Variants in CD300LG observed in about 807,000 individuals in gnomAD.
CD300LG encodes the protein CMRF35-like molecule 9.
Under a neutral mutation model 31.5 loss-of-function variants are expected in CD300LG, and 29 were observed. The observed-to-expected ratio is 0.92, with a 90% CI of 0.68 to 1.25. CD300LG has a LOEUF of 1.25. Ranked by LOEUF, CD300LG falls within the 50% of genes most tolerant of loss-of-function variation. The pLI is 0.00. For missense variants in CD300LG, 396 were observed against 417.6 expected (o/e 0.95, Z 0.45); for synonymous variants, 175 against 177.2 (o/e 0.99, Z 0.10).
At chr17:43,854,634 G>A (rs555990952) in intron 4 of CD300LG, among the ~76,000 whole-genome samples, 4 of 152,232 alleles carry the variant, frequency 2.6e-5, no homozygotes, top group Admixed American at 6.5e-5. Context: ...TTGACTCACA[G>A]TAAGAATGCC....
In CD300LG at chr17:43,847,277, T is replaced by C. The variant is rs556080290; in HGVS notation, c.43+18T>C. ...GCTCCCAGGTGAGATGGGGAGAGGG[T>C]CTCGGGAGGGATGTGGGGCTCACCC... On this transcript the variant is annotated intron_variant, in intron 1 of 6. Transcript: ENST00000317310. 1 of 1,613,018 alleles carries C rather than the reference T, an allele frequency of 6.2e-7. No homozygotes were observed. The highest frequency in any genetic ancestry group is 8.5e-7 in the Non-Finnish European group (1 of 1,179,622).
intron 2 of CD300LG, among the ~76,000 whole-genome samples, chr17:43,850,804 T>A (rs1001826634): frequency 6.6e-6 from 1 of 152,108 alleles, no homozygotes; most frequent in Non-Finnish European, 1.5e-5. Flanking sequence ...CTTTTATTCA[T>A]CTTTGCCTGA....
At chr17:43,853,741 A>G in intron 3 of CD300LG, 66 bp from the exon 4 acceptor site, 1 of 1,350,742 alleles carries the variant, frequency 7.4e-7, no homozygotes, top group Non-Finnish European at 1.0e-6. Context: ...GTCCAGGGTC[A>G]GAAGTCAGGG....
chr17:43,848,479 T>G, intron 1 of CD300LG, 79 bp from the exon 2 acceptor site: 1 of 1,167,904 alleles, frequency 8.6e-7, no homozygotes, highest in Non-Finnish European at 1.2e-6. Flanking sequence ...TCCTTCTTCC[T>G]CCTAAAATGG....
At chr17:43,857,703 A>G in intron 6 of CD300LG, 1 of 1,379,176 alleles carries the variant, frequency 7.3e-7, no homozygotes, top group Non-Finnish European at 1.0e-6. Context: ...AGAGAGGGTA[A>G]AGGTCTTGCC....
In CD300LG at chr17:43,857,321, C is replaced by T; in HGVS notation, c.885+165C>T. 2.0e-6 allele frequency: 3 copies of T among 1,464,634 alleles called. No individual in the cohort carries two copies. The South Asian group carries it at 3.8e-5, about 19-fold the overall frequency. 90.7% of individuals were successfully genotyped at this position (1,464,634 alleles called of 1,614,324 possible). A position where few individuals can be genotyped will look rare whatever the true frequency, so the allele number is the denominator to read the frequency against. On this transcript the variant is annotated intron_variant, in intron 6 of 6. Transcript: ENST00000317310. ...GAATGTGTGTGAGCCCCAAGATCAG[C>T]CCTTCAGGGTGTGAGCCGGACACAG... is the stretch of plus-strand genomic sequence containing the variant.
At position 43,853,973 on chromosome 17, in the gene CD300LG, C is replaced by T; in HGVS notation, c.648C>T (p.Pro216=). 1 of 1,614,184 alleles carries T rather than the reference C, an allele frequency of 6.2e-7. No homozygotes were observed. Among genetic ancestry groups the T allele is most frequent in the Non-Finnish European group, 8.5e-7 (1 of 1,180,012 alleles). The change falls in exon 4 of 7, where the codon CCC becomes CCT. Residue 216 remains proline, a synonymous_variant. Transcript: ENST00000317310. The stretch of plus-strand genomic sequence containing the variant: ...CTCCTCCTGCAGGGAGCTCCCGCCC[C>T]CCCATGCAGCTGGACTCCACCTCAG... The part of the protein sequence containing the change: ...ATSPPAGSSR[P]PMQLDSTSAE...
At chr17:43,857,514 C>T in intron 6 of CD300LG, 2 of 1,500,464 alleles carry the variant, frequency 1.3e-6, no homozygotes, top group South Asian at 2.4e-5. Flanking sequence ...AGATCTCTAG[C>T]CTGACTTTTC....
rs776879892 is a variant in CD300LG at position 43,857,058 on chromosome 17, G to A, written c.833-46G>A. The stretch of plus-strand genomic sequence containing the variant: ...CTGGGAGCAGCTACAGGCCACTCCC[G>A]GCTACTCCTGGCTTCAAGGGGCTCC... On this transcript the variant is annotated intron_variant, in intron 5 of 6. Transcript: ENST00000317310. 1.1e-5 allele frequency: 18 copies of A among 1,604,682 alleles called. No homozygotes were observed. In the Admixed American group the frequency reaches 1.3e-4, roughly 12 times the overall value.
rs368815612 is a variant in CD300LG at position 43,857,151 on chromosome 17, C to T, written c.880C>T (p.Arg294Cys). 7.0e-5 allele frequency: 113 copies of T among 1,614,156 alleles called. No individual in the cohort carries two copies. Among genetic ancestry groups the T allele is most frequent in the South Asian group, 2.6e-4 (24 of 91,082 alleles). ...GAGGAACGAGAAGTTCTGCCTCTCA[C>T]GCTTGGTAAGGACAGAGGCATATGG... ...TQRNEKFCLSRLTAEEKEAPS... is the reference protein window; with the variant it reads ...TQRNEKFCLSCLTAEEKEAPS... The change falls in exon 6 of 7, where the codon CGC becomes TGC. Residue 294 changes from arginine (R) to cysteine (C), a missense_variant. Arg to Cys is a radical substitution (Grantham distance 180). Coordinates refer to ENST00000317310, the MANE Select transcript of CD300LG (RefSeq NM_145273.4).
rs1030202607 is a variant in CD300LG, at chr17:43,854,063, A to G, written c.719+19A>G. ...AGCCCAGGTGAGCCCCAGGTGACCA[A>G]CATCCCCTTTCAAGCCATCACTAAA... On this transcript the variant is annotated intron_variant, in intron 4 of 6. Transcript: ENST00000317310. 1.9e-6 allele frequency: 3 copies of G among 1,577,366 alleles called. No homozygotes were observed. Among genetic ancestry groups the G allele is most frequent in the Non-Finnish European group, 2.6e-6 (3 of 1,148,188 alleles).
chr17:43,855,139 AC>A (rs1032693482), intron 4 of CD300LG, 67 bp from the exon 5 acceptor site: 34 of 882,834 alleles, frequency 3.9e-5, no homozygotes, highest in Non-Finnish European at 4.9e-5. Context: ...TGTGCCTGGG[AC>A]CCCCAAAGGA....
chr17:43,856,099 G>A (rs758854676), intron 5 of CD300LG, among the ~76,000 whole-genome samples: 8 of 152,168 alleles, frequency 5.3e-5, no homozygotes, highest in South Asian at 2.1e-4. Flanking sequence ...GAGCCACTAC[G>A]CCCAATCTAG....
At chr17:43,854,117 C>A in intron 4 of CD300LG, 73 bp downstream of exon 4, 1 of 1,102,830 alleles carries the variant, frequency 9.1e-7, no homozygotes, top group Non-Finnish European at 1.3e-6. Flanking sequence ...AAAATAGGAA[C>A]TCAACACTCT....
rs905652665 is a variant in CD300LG, at chr17:43,861,960, T to C, written c.*49T>C. ...CCAGCAGTGAAGCAGTATGGCTGGC[T>C]GGATCAGCACCGATTCCCGAAAGCT... On this transcript the variant is annotated 3_prime_UTR_variant, in exon 7 of 7. Transcript: ENST00000317310. The C allele has an allele frequency of 2.2e-6, 3 of 1,378,720 alleles. No homozygotes were observed. Among genetic ancestry groups the C allele is most frequent in the Non-Finnish European group, 3.0e-6 (3 of 1,004,866 alleles). 85.4% of individuals were successfully genotyped at this position (1,378,720 alleles called of 1,614,324 possible).
At chr17:43,855,523 G>A in intron 5 of CD300LG, 1 of 458,040 alleles carries the variant, frequency 2.2e-6, no homozygotes. Flanking sequence ...AGGGGAAATG[G>A]GAGAATGAAG....
intron 6 of CD300LG, chr17:43,858,740 T>G (rs2046593320): frequency 1.0e-6 from 1 of 981,760 alleles, no homozygotes; most frequent in South Asian, 4.7e-5. Flanking sequence ...TGAAGGGGTT[T>G]GGGGCTTTCT....
At chr17:43,858,417 A>G in intron 6 of CD300LG, 1 of 985,418 alleles carries the variant, frequency 1.0e-6, no homozygotes, top group African/African-American at 1.7e-5. Context: ...GGAGGCTGAG[A>G]GCGCCGGAAC....
chr17:43,859,735 G>A (rs796421107), intron 6 of CD300LG, among the ~76,000 whole-genome samples: 32 of 152,284 alleles, frequency 2.1e-4, no homozygotes, highest in African/African-American at 5.8e-4. Flanking sequence ...GGCTAGGAGG[G>A]ACAAGGGCCC....
Sources: gnomAD v4.1 joint callset for allele counts (sites outside exome capture counted in the v4.1 genomes callset) on GRCh38, gnomAD v4.1.1 for gene constraint, MANE v1.5 for transcripts, NCBI Gene and HGNC (gene_info 2026-07-23, HGNC 2026-07-21) for gene names.